MSI2: variants seen among roughly 807,000 people sequenced by gnomAD.
MSI2 encodes the protein musashi RNA binding protein 2.
A neutral mutation model predicts 45.6 loss-of-function variants in MSI2; 17 were observed. That is an observed-to-expected ratio of 0.37 (90% CI 0.26 to 0.56). The LOEUF is 0.56. Ranked by LOEUF, MSI2 falls within the 20% of genes least tolerant of loss-of-function variation. The pLI is 0.77. For missense variants in MSI2, 293 were observed against 444.2 expected, an observed-to-expected ratio of 0.66 and a Z score of 3.06; for synonymous variants, 156 against 158.2, an observed-to-expected ratio of 0.99 and a Z score of 0.11.
At chr17:57,585,793 T>C (rs1185181180) in intron 7 of MSI2, among the ~76,000 whole-genome samples, 1 of 152,244 alleles carries the variant, frequency 6.6e-6, no homozygotes, top group African/African-American at 2.4e-5. Context: ...TTGAAGGCCA[T>C]GCTCCCGCAG....
At chr17:57,358,453 A>T (rs977632472) in intron 5 of MSI2, among the ~76,000 whole-genome samples, 1 of 152,300 alleles carries the variant, frequency 6.6e-6, no homozygotes, top group South Asian at 2.1e-4. Flanking sequence ...AAGGCATCTT[A>T]TGGACTAATG....
At chr17:57,512,552 T>C (rs1244315670) in intron 6 of MSI2, among the ~76,000 whole-genome samples, 2 of 152,322 alleles carry the variant, frequency 1.3e-5, no homozygotes, top group East Asian at 3.9e-4. Flanking sequence ...AATTTCCTCG[T>C]TGAACAGAAC....
chr17:57,288,324 C>A (rs1910105766), intron 5 of MSI2, among the ~76,000 whole-genome samples: 1 of 152,000 alleles, frequency 6.6e-6, no homozygotes, highest in Admixed American at 6.5e-5. Flanking sequence ...GGGAGGAGGT[C>A]GTGCAGTTAC....
rs546234138 is a variant in MSI2, at chr17:57,328,366, A to G, written c.312+66174A>G. ...CCATTCATCCATCCTTCATCCATCAATCCATCCATCCTTCATCCATCAATC... is the reference window on the plus strand; with the variant it reads ...CCATTCATCCATCCTTCATCCATCAGTCCATCCATCCTTCATCCATCAATC... On this transcript the variant is annotated intron_variant, in intron 5 of 13. Transcript: ENST00000284073. Among the ~76,000 whole-genome samples the G allele has an allele frequency of 7.9e-5, 12 of 152,058 alleles. No individual in the cohort carries two copies. The South Asian group carries it at 1.9e-3, about 24-fold the overall frequency.
rs1240648462 is a variant in MSI2, at chr17:57,680,280, CT to C, written c.*770del. ...TGAGTGTCCTCCTTTTCTATAAGTGCTTTTTTTCTGTTGAAAGAGGTGATAT... is the reference window on the plus strand; with the variant it reads ...TGAGTGTCCTCCTTTTCTATAAGTGCTTTTTTCTGTTGAAAGAGGTGATAT... On this transcript the variant is annotated 3_prime_UTR_variant, in exon 14 of 14. Coordinates refer to ENST00000284073, the MANE Select transcript of MSI2 (RefSeq NM_138962.4). 2.2e-5 allele frequency: 5 copies of C among 227,986 alleles called. No homozygotes were observed. The highest frequency in any genetic ancestry group is 3.5e-5 in the Non-Finnish European group (4 of 114,874). The allele number at this position is 227,986 out of a possible 1,614,324, so 14.1% of individuals were successfully genotyped here. A position where few individuals can be genotyped will look rare whatever the true frequency, so the allele number is the denominator to read the frequency against.
intron 6 of MSI2, among the ~76,000 whole-genome samples, chr17:57,521,523 G>T (rs2086584324): frequency 6.6e-6 from 1 of 152,202 alleles, no homozygotes; most frequent in African/African-American, 2.4e-5. Context: ...CTAAGACTGA[G>T]TTAAGCTTAA....
chr17:57,441,485 A>G lies in MSI2; in HGVS notation c.405+40014A>G, dbSNP rs1456008672. 1.3e-5 allele frequency among the ~76,000 whole-genome samples: 2 copies of G among 152,146 alleles called. 1 individual carries two copies. The highest frequency in any genetic ancestry group is 3.8e-4 in the East Asian group (2 of 5,196). On this transcript the variant is annotated intron_variant, in intron 6 of 13. Coordinates refer to ENST00000284073, the MANE Select transcript of MSI2 (RefSeq NM_138962.4). ...AGAAGTATGAAAGTATCATTGGCAT[A>G]TAGACAGACCTCTGCACTCAGCTGG...
chr17:57,643,146 C>T (rs7225062), intron 10 of MSI2, among the ~76,000 whole-genome samples: 1 of 151,878 alleles, frequency 6.6e-6, no homozygotes, highest in African/African-American at 2.4e-5. Flanking sequence ...GGATTTCTGG[C>T]TGCAGCCCAG....
At chr17:57,456,828 A>G (rs904159377) in intron 6 of MSI2, among the ~76,000 whole-genome samples, 1 of 152,202 alleles carries the variant, frequency 6.6e-6, no homozygotes, top group African/African-American at 2.4e-5. Context: ...CTTCTAGGTC[A>G]TTCTCAACCA....
intron 6 of MSI2, among the ~76,000 whole-genome samples, chr17:57,526,356 GGTGTGTGTGTGTGTGTGTGT>G (rs71143203): frequency 1.6e-4 from 20 of 122,614 alleles, no homozygotes; most frequent in South Asian, 2.7e-4. Context: ...GATATACCTG[GGTGTGTGTGTGTGTGTGTGT>G]GTGTGTGTGT....
chr17:57,607,794 C>T (rs1408673098), intron 8 of MSI2, among the ~76,000 whole-genome samples: 1 of 152,178 alleles, frequency 6.6e-6, no homozygotes, highest in Non-Finnish European at 1.5e-5. Flanking sequence ...AGCTTTTACT[C>T]ACGGAGGAAG....
chr17:57,562,785 ATTT>A (rs150782460), intron 7 of MSI2, among the ~76,000 whole-genome samples: 1 of 151,298 alleles, frequency 6.6e-6, no homozygotes, highest in Non-Finnish European at 1.5e-5. Context: ...CACACGGACT[ATTT>A]TTTTTTCCTT....
At chr17:57,676,838 T>A in intron 12 of MSI2, 149 bp from the exon 13 acceptor site, 1 of 688,608 alleles carries the variant, frequency 1.5e-6, no homozygotes, top group Non-Finnish European at 2.7e-6. Flanking sequence ...GAGGATGTCA[T>A]CCTGGCCCCT....
At chr17:57,563,746 G>GCACGCACACA in intron 7 of MSI2, among the ~76,000 whole-genome samples, 1 of 139,398 alleles carries the variant, frequency 7.2e-6, no homozygotes, top group South Asian at 2.4e-4. Flanking sequence ...ACACAGGCGC[G>GCACGCACACA]CACACACACA....
chr17:57,508,045 T>G (rs1252075996), intron 6 of MSI2, among the ~76,000 whole-genome samples: 1 of 152,226 alleles, frequency 6.6e-6, no homozygotes, highest in Non-Finnish European at 1.5e-5. Context: ...TAGTGTTTAG[T>G]GAAGACCTAC....
intron 7 of MSI2, among the ~76,000 whole-genome samples, chr17:57,551,354 G>C (rs937937952): frequency 6.6e-6 from 1 of 152,212 alleles, no homozygotes; most frequent in African/African-American, 2.4e-5. Context: ...AATCAGCTTG[G>C]CCACAGACTC....
chr17:57,695,408 T>C, the MSI2 span, among the ~76,000 whole-genome samples: 2 of 152,328 alleles, frequency 1.3e-5, no homozygotes, highest in South Asian at 4.1e-4. Context: ...CATTAAGACC[T>C]TGGGGGAGCT....
At chr17:57,458,099 C>T (rs1361407912) in intron 6 of MSI2, among the ~76,000 whole-genome samples, 35 of 134,022 alleles carry the variant, frequency 2.6e-4, no homozygotes, top group African/African-American at 8.8e-4. Flanking sequence ...ATATATATAC[C>T]TTTTTTTTTT....
intron 6 of MSI2, among the ~76,000 whole-genome samples, chr17:57,406,279 G>A (rs571215258): frequency 1.5e-3 from 232 of 152,146 alleles, no homozygotes; most frequent in African/African-American, 5.4e-3. Context: ...CTGTTCTCCC[G>A]GCAGAGCCAC....
Sources: allele counts gnomAD v4.1 joint callset (sites outside exome capture counted in the v4.1 genomes callset), GRCh38; gene constraint gnomAD v4.1.1; transcripts MANE v1.5; gene names NCBI Gene and HGNC (gene_info 2026-07-23, HGNC 2026-07-21).